BMPR1A: variants seen among roughly 807,000 people sequenced by gnomAD.
BMPR1A encodes bone morphogenetic protein receptor type-1A.
A neutral mutation model predicts 66.0 loss-of-function variants in BMPR1A; 7 were observed. The ratio of observed to expected loss-of-function variants is 0.11; its 90% CI spans 0.06 to 0.20. BMPR1A has a LOEUF of 0.20. Among genes scored for constraint, BMPR1A ranks in the 10% least tolerant of loss-of-function variants. The pLI, the probability that BMPR1A is intolerant of heterozygous loss-of-function variation, is 1.00. For missense variants in BMPR1A, 408 were observed against 669.1 expected, an observed-to-expected ratio of 0.61 and a Z score of 4.31; for synonymous variants, 200 against 229.7, an observed-to-expected ratio of 0.87 and a Z score of 1.17.
intron 1 of BMPR1A, among the ~76,000 whole-genome samples, chr10:86,783,322 T>C (rs1841464841): frequency 6.6e-6 from 1 of 152,226 alleles, no homozygotes; most frequent in Admixed American, 6.5e-5. Flanking sequence ...TTGTTTTGGC[T>C]ATTTGGGGTC....
At chr10:86,804,877 A>G (rs200147134) in intron 1 of BMPR1A, among the ~76,000 whole-genome samples, 5 of 145,434 alleles carry the variant, frequency 3.4e-5, no homozygotes, top group Admixed American at 2.9e-4. Context: ...TTGTCTCCCA[A>G]TTCTAGAGGC....
intron 2 of BMPR1A, among the ~76,000 whole-genome samples, chr10:86,852,138 C>A (rs918351455): frequency 6.6e-6 from 1 of 151,216 alleles, no homozygotes; most frequent in Admixed American, 6.6e-5. Context: ...AAAAAAAGTT[C>A]TTTCAAGCAC....
chr10:86,772,457 C>T (rs1841280503), intron 1 of BMPR1A, among the ~76,000 whole-genome samples: 1 of 152,002 alleles, frequency 6.6e-6, no homozygotes, highest in African/African-American at 2.4e-5. Context: ...CACAGCTTTA[C>T]CATGAGTATT....
intron 1 of BMPR1A, among the ~76,000 whole-genome samples, chr10:86,795,596 A>G (rs891774843): frequency 6.6e-6 from 1 of 152,130 alleles, no homozygotes; most frequent in African/African-American, 2.4e-5. Flanking sequence ...CAGAGAAGCA[A>G]TAGTGAGGCT....
chr10:86,857,788 C>CT (rs1589749092), intron 2 of BMPR1A, among the ~76,000 whole-genome samples: 1 of 150,100 alleles, frequency 6.7e-6, no homozygotes. Context: ...GCTGCAGTGC[C>CT]TTTTAAGACC....
intron 2 of BMPR1A, among the ~76,000 whole-genome samples, chr10:86,846,947 C>T (rs979566674): frequency 4.6e-5 from 7 of 151,942 alleles, no homozygotes; most frequent in African/African-American, 9.7e-5. Context: ...TGGTTTTGAT[C>T]CCTCTCCAGT....
At chr10:86,847,662 A>G (rs1452059963) in intron 2 of BMPR1A, among the ~76,000 whole-genome samples, 2 of 151,998 alleles carry the variant, frequency 1.3e-5, no homozygotes, top group Admixed American at 1.3e-4. Flanking sequence ...CCCCATCTCT[A>G]TTTAAAAATA....
intron 7 of BMPR1A, among the ~76,000 whole-genome samples, chr10:86,903,895 C>T (rs1173265691): frequency 4.0e-5 from 6 of 150,298 alleles, no homozygotes; most frequent in Non-Finnish European, 7.4e-5. Context: ...CATGAGCCAC[C>T]GTGCCCGGCC....
At chr10:86,809,377 C>T (rs1034856661) in intron 1 of BMPR1A, among the ~76,000 whole-genome samples, 13 of 151,828 alleles carry the variant, frequency 8.6e-5, no homozygotes, top group Non-Finnish European at 1.9e-4. Context: ...GCAACCTCCA[C>T]TTCCCATGCT....
intron 1 of BMPR1A, among the ~76,000 whole-genome samples, chr10:86,789,092 T>G (rs1841561226): frequency 6.6e-6 from 1 of 152,202 alleles, no homozygotes; most frequent in South Asian, 2.1e-4. Flanking sequence ...GATATTCAGT[T>G]GCAAAAGAAT....
intron 2 of BMPR1A, among the ~76,000 whole-genome samples, chr10:86,840,564 G>A (rs1333985690): frequency 6.6e-6 from 1 of 151,462 alleles, no homozygotes; most frequent in Non-Finnish European, 1.5e-5. Context: ...CATGATTTCC[G>A]CAATTATCTC....
chr10:86,834,570 T>C (rs1335089257), intron 1 of BMPR1A, among the ~76,000 whole-genome samples: 1 of 152,216 alleles, frequency 6.6e-6, no homozygotes, highest in East Asian at 1.9e-4. Context: ...CATCTTGAGT[T>C]TCAAAATCAA....
intron 9 of BMPR1A, 131 bp downstream of exon 9, chr10:86,917,457 T>C: frequency 1.8e-6 from 2 of 1,105,566 alleles, no homozygotes; most frequent in East Asian, 5.1e-5. Context: ...CCTAGTAGAA[T>C]ACACGGTTTG....
chr10:86,877,239 G>A (rs1350100623), intron 3 of BMPR1A, among the ~76,000 whole-genome samples: 1 of 143,938 alleles, frequency 6.9e-6, no homozygotes, highest in Non-Finnish European at 1.5e-5. Flanking sequence ...ACAGAGTCTC[G>A]CTCTGTCACC....
At chr10:86,809,934 C>T (rs1392536845) in intron 1 of BMPR1A, among the ~76,000 whole-genome samples, 3 of 151,428 alleles carry the variant, frequency 2.0e-5, no homozygotes, top group African/African-American at 4.8e-5. Context: ...CCATATAGCA[C>T]GTATCAGTAC....
intron 1 of BMPR1A, among the ~76,000 whole-genome samples, chr10:86,824,105 G>GTGTGTTTGTGTGTGTGTGTGTGTGTT (rs1554882221): frequency 6.1e-5 from 9 of 147,386 alleles, no homozygotes; most frequent in East Asian, 2.1e-4. Flanking sequence ...GTGTGTGTGT[G>GTGTGTTTGTGTGTGTGTGTGTGTGTT]TGTGTGTTTC....
intron 1 of BMPR1A, among the ~76,000 whole-genome samples, chr10:86,765,978 A>G (rs1841155137): frequency 8.3e-6 from 1 of 120,888 alleles, no homozygotes. Flanking sequence ...GTAAATTTCA[A>G]TTTCCTCATT....
At position 86,890,208 on chromosome 10, in the gene BMPR1A, A is replaced by G. The variant is rs1064795729; in HGVS notation, c.214A>G (p.Ile72Val). 1.5e-5 allele frequency: 25 copies of G among 1,614,164 alleles called. No homozygotes were observed. Among genetic ancestry groups the G allele is most frequent in the African/African-American group, 2.7e-5 (2 of 75,058 alleles). The change falls in exon 4 of 13, where the codon ATT (isoleucine) becomes GTT (valine). Residue 72 changes from isoleucine (I) to valine (V), a missense_variant. Physicochemically the swap from Ile to Val is conservative, Grantham distance 29. This residue lies in a region of BMPR1A where 68 missense variants were observed against 83.0 expected (regional missense o/e 0.82). Coordinates refer to ENST00000372037, the MANE Select transcript of BMPR1A (RefSeq NM_004329.3). ...YCSGHCPDDA[I>V]NNTCITNGHC... ...CTCAGGGCACTGTCCAGATGATGCT[A>G]TTAATAACACATGCATGTAAGTATT...
At chr10:86,903,755 G>A (rs1843345308) in intron 7 of BMPR1A, among the ~76,000 whole-genome samples, 1 of 151,936 alleles carries the variant, frequency 6.6e-6, no homozygotes, top group Non-Finnish European at 1.5e-5. Flanking sequence ...GGGACTACAG[G>A]CACCTGCCAC....
Sources: allele counts gnomAD v4.1 joint callset (sites outside exome capture counted in the v4.1 genomes callset), GRCh38; gene constraint gnomAD v4.1.1; regional missense constraint gnomAD v4.1.1; transcripts MANE v1.5; gene names NCBI Gene and HGNC (gene_info 2026-07-23, HGNC 2026-07-21).